The following BNC2 variants were observed in gnomAD, a reference collection of about 807,000 sequenced individuals.
BNC2 encodes basonuclin zinc finger protein 2.
A neutral mutation model predicts 76.3 loss-of-function variants in BNC2; 20 were observed. The observed-to-expected ratio is 0.26, with a 90% confidence interval of 0.18 to 0.38. The LOEUF (loss-of-function observed/expected upper bound fraction) is 0.38, where lower values mean the gene tolerates loss of function less well. Ranked by LOEUF, BNC2 falls within the 10% of genes least tolerant of loss-of-function variation. BNC2 has a pLI of 1.00. For synonymous variants in BNC2, 582 were observed against 514.8 expected (o/e 1.13, Z -1.77); for missense variants, 1,382 against 1,399.8 (o/e 0.99, Z 0.20).
chr9:16,435,926 A>C lies in BNC2; in HGVS notation c.2268T>G (p.Ser756Arg). Residue 756 changes from serine to arginine, a missense_variant, in exon 6 of 7, where the codon AGT (serine) becomes AGG (arginine). Physicochemically the swap from Ser to Arg is moderately radical, Grantham distance 110 (BLOSUM62 -1). Around this residue, in one of 3 missense-constraint regions of BNC2, gnomAD observed 798 missense variants for 775.5 expected, o/e 1.03. Transcript: ENST00000380672. The part of the protein sequence containing the change: ...SEVSEKVLMN[S>R]ERPDENHSEP... The stretch of plus-strand genomic sequence containing the variant: ...CACTGTGGTTCTCATCAGGCCTCTC[A>C]CTATTCATCAGGACTTTTTCACTCA... The C allele has an allele frequency of 6.2e-7, 1 of 1,614,038 alleles. No homozygotes were observed. Among genetic ancestry groups the C allele is most frequent in the East Asian group, 2.2e-5 (1 of 44,852 alleles).
At chr9:16,822,596 T>C (rs549273544) in intron 1 of BNC2, among the ~76,000 whole-genome samples, 6 of 152,302 alleles carry the variant, frequency 3.9e-5, no homozygotes, top group African/African-American at 1.4e-4. Flanking sequence ...CTGAAGCTTA[T>C]TGAAGGCTGA....
intron 6 of BNC2, among the ~76,000 whole-genome samples, chr9:16,433,982 G>A (rs1035964296): frequency 5.3e-5 from 8 of 151,994 alleles, no homozygotes; most frequent in Non-Finnish European, 8.8e-5. Context: ...GTTGGGTACA[G>A]TATTTTATTA....
chr9:16,699,747 A>C (rs896253360), intron 3 of BNC2, among the ~76,000 whole-genome samples: 1 of 152,252 alleles, frequency 6.6e-6, no homozygotes, highest in African/African-American at 2.4e-5. Flanking sequence ...AAGAGGTTAT[A>C]TAACTTTTAC....
chr9:16,678,114 G>GA (rs1229328903), intron 3 of BNC2, among the ~76,000 whole-genome samples: 2 of 151,768 alleles, frequency 1.3e-5, no homozygotes, highest in Non-Finnish European at 2.9e-5. Flanking sequence ...AGAGGAGGAA[G>GA]AAAAAAGGCA....
At chr9:16,622,061 G>C (rs1820881241) in intron 3 of BNC2, among the ~76,000 whole-genome samples, 1 of 151,974 alleles carries the variant, frequency 6.6e-6, no homozygotes, top group Non-Finnish European at 1.5e-5. Flanking sequence ...ATCTCTTGTT[G>C]GTTGTGATGA....
chr9:16,725,380 T>C (rs2134943475), intron 3 of BNC2, among the ~76,000 whole-genome samples: 1 of 152,228 alleles, frequency 6.6e-6, no homozygotes, highest in African/African-American at 2.4e-5. Context: ...TAAAATGTCA[T>C]CTTGAAGAGA....
At chr9:16,823,930 C>A (rs1818397504) in intron 1 of BNC2, among the ~76,000 whole-genome samples, 1 of 152,116 alleles carries the variant, frequency 6.6e-6, no homozygotes, top group Non-Finnish European at 1.5e-5. Context: ...GAATTGTGAC[C>A]TTATAAGATG....
chr9:16,713,614 GC>G (rs1823912531), intron 3 of BNC2, among the ~76,000 whole-genome samples: 2 of 152,078 alleles, frequency 1.3e-5, no homozygotes, highest in South Asian at 2.1e-4. Context: ...CCACTGTCAT[GC>G]CTATACAAAA....
chr9:16,412,764 AGACT>A lies in BNC2; in HGVS notation c.*6221_*6224del, dbSNP rs1442854798. The A allele has an allele frequency of 3.4e-5, 4 of 115,944 alleles. No homozygotes were observed. The highest frequency in any genetic ancestry group is 2.9e-4 in the South Asian group (1 of 3,492). 7.2% of individuals were successfully genotyped at this position (115,944 alleles called of 1,614,324 possible). A position where few individuals can be genotyped will look rare whatever the true frequency, so the allele number is the denominator to read the frequency against. On this transcript the variant is annotated 3_prime_UTR_variant, in exon 7 of 7. Transcript: ENST00000380672. ...GAGAGAGAGAGAGAGAGAGAGAGAG[AGACT>A]GACTGATTGTGGATGTGTGTGTACA...
intron 1 of BNC2, among the ~76,000 whole-genome samples, chr9:16,805,062 A>T (rs1031731180): frequency 2.0e-5 from 3 of 152,078 alleles, no homozygotes; most frequent in Non-Finnish European, 4.4e-5. Context: ...ATTCCGTCTC[A>T]AAAGAAAAAA....
chr9:16,515,228 G>C (rs1822849927), intron 5 of BNC2, among the ~76,000 whole-genome samples: 1 of 152,230 alleles, frequency 6.6e-6, no homozygotes, highest in African/African-American at 2.4e-5. Flanking sequence ...CCAATAGTCT[G>C]TGGCTGTCAG....
At chr9:16,853,177 G>C (rs1819168158) in intron 1 of BNC2, among the ~76,000 whole-genome samples, 1 of 152,104 alleles carries the variant, frequency 6.6e-6, no homozygotes. Context: ...CAGCACTTTG[G>C]GAGGCCCAGG....
At chr9:16,596,347 A>G (rs1043943074) in intron 3 of BNC2, among the ~76,000 whole-genome samples, 3 of 152,134 alleles carry the variant, frequency 2.0e-5, no homozygotes, top group African/African-American at 7.2e-5. Flanking sequence ...TCCTATAGGT[A>G]CGTGAATGTA....
At chr9:16,800,832 G>A (rs889485490) in intron 1 of BNC2, among the ~76,000 whole-genome samples, 2 of 151,908 alleles carry the variant, frequency 1.3e-5, no homozygotes, top group African/African-American at 4.8e-5. Flanking sequence ...TTTTCATCAT[G>A]TGCTTTAAAT....
chr9:16,465,955 T>C (rs894409554), intron 5 of BNC2, among the ~76,000 whole-genome samples: 1 of 141,944 alleles, frequency 7.0e-6, no homozygotes, highest in Admixed American at 7.3e-5. Flanking sequence ...CAAAATCTCC[T>C]TAAGCTGATA....
chr9:16,569,664 GCTT>G (rs1323085732), intron 4 of BNC2, among the ~76,000 whole-genome samples: 1 of 152,108 alleles, frequency 6.6e-6, no homozygotes, highest in East Asian at 1.9e-4. Context: ...TTATTCTCCC[GCTT>G]CTTCTTTCTT....
At chr9:16,464,016 C>G (rs1563795864) in intron 5 of BNC2, among the ~76,000 whole-genome samples, 1 of 149,144 alleles carries the variant, frequency 6.7e-6, no homozygotes, top group Non-Finnish European at 1.5e-5. Context: ...ATTGCTTGAA[C>G]CTGGAAGGCA....
chr9:16,870,478 C>T (rs1351601178), intron 1 of BNC2, among the ~76,000 whole-genome samples, 168 bp downstream of exon 1: 1 of 152,024 alleles, frequency 6.6e-6, no homozygotes, highest in Non-Finnish European at 1.5e-5. Context: ...GGGATCAGGT[C>T]GGACCGGGGT....
intron 4 of BNC2, among the ~76,000 whole-genome samples, chr9:16,568,691 G>A (rs923391242): frequency 6.6e-6 from 1 of 152,114 alleles, no homozygotes; most frequent in Non-Finnish European, 1.5e-5. Context: ...TAGATTGTAA[G>A]CTAGATCCTA....
Sources: allele counts gnomAD v4.1 joint callset (sites outside exome capture counted in the v4.1 genomes callset), GRCh38; gene constraint gnomAD v4.1.1; regional missense constraint gnomAD v4.1.1; transcripts MANE v1.5; gene names NCBI Gene and HGNC (gene_info 2026-07-23, HGNC 2026-07-21).